The following NMRK1 variants were observed in gnomAD, a reference collection of about 807,000 sequenced individuals.
The protein encoded by NMRK1 is NRK 1.
Under a neutral mutation model 29.9 loss-of-function variants are expected in NMRK1, and 28 were observed. The observed-to-expected ratio is 0.94, with a 90% CI of 0.69 to 1.28. The LOEUF (loss-of-function observed/expected upper bound fraction) is 1.28, where lower values mean the gene tolerates loss of function less well. Among genes scored for constraint, NMRK1 ranks in the 50% most tolerant of loss-of-function variants. The pLI, the probability that NMRK1 is intolerant of heterozygous loss-of-function variation, is 0.00. For synonymous variants in NMRK1, 58 were observed against 73.0 expected, an observed-to-expected ratio of 0.79 and a Z score of 1.05; for missense variants, 218 against 233.1, an observed-to-expected ratio of 0.94 and a Z score of 0.42.
chr9:75,078,755 T>G (rs995705333), intron 2 of NMRK1, among the ~76,000 whole-genome samples: 5 of 152,226 alleles, frequency 3.3e-5, no homozygotes, highest in Non-Finnish European at 4.4e-5. Context: ...TATGTTGCAG[T>G]TGGGGTGGAT....
chr9:75,085,804 C>T (rs1320567924), intron 1 of NMRK1, among the ~76,000 whole-genome samples: 1 of 143,654 alleles, frequency 7.0e-6, no homozygotes, highest in East Asian at 2.1e-4. Context: ...CTGGGCCTGT[C>T]CAAGCCAGTG....
intron 8 of NMRK1, among the ~76,000 whole-genome samples, chr9:75,062,053 G>A (rs1350602566): frequency 6.6e-6 from 1 of 152,156 alleles, no homozygotes; most frequent in African/African-American, 2.4e-5. Context: ...TTTTTGGGTA[G>A]TATTTCATTT....
chr9:75,078,387 G>A, intron 2 of NMRK1: 1 of 1,565,210 alleles, frequency 6.4e-7, no homozygotes. Context: ...CTGGGGGCCA[G>A]CTGGGAGGTC....
chr9:75,077,817 G>A (rs1465075076), intron 2 of NMRK1, among the ~76,000 whole-genome samples: 1 of 152,058 alleles, frequency 6.6e-6, no homozygotes, highest in Non-Finnish European at 1.5e-5. Context: ...TGTATTTTTA[G>A]TAGAGATGGG....
intron 8 of NMRK1, among the ~76,000 whole-genome samples, chr9:75,062,965 A>G (rs1259327887): frequency 6.6e-6 from 1 of 152,094 alleles, no homozygotes; most frequent in Non-Finnish European, 1.5e-5. Flanking sequence ...CAGAAGGTGG[A>G]GGTTGCAGTG....
At chr9:75,073,814 T>C (rs934193391) in intron 4 of NMRK1, among the ~76,000 whole-genome samples, 2 of 152,232 alleles carry the variant, frequency 1.3e-5, no homozygotes, top group African/African-American at 4.8e-5. Context: ...CTTAGCTCTG[T>C]CAGTGTTTAC....
At chr9:75,071,343 C>CT (rs1256094454) in intron 4 of NMRK1, among the ~76,000 whole-genome samples, 1 of 152,096 alleles carries the variant, frequency 6.6e-6, no homozygotes, top group Non-Finnish European at 1.5e-5. Flanking sequence ...CCATCTGGTT[C>CT]TTTTTTCAAA....
At chr9:75,069,485 T>C in intron 6 of NMRK1, 2 of 499,814 alleles carry the variant, frequency 4.0e-6, no homozygotes, top group Non-Finnish European at 7.0e-6. Context: ...CTAATCACCA[T>C]GGGCTTGCTT....
intron 3 of NMRK1, 50 bp downstream of exon 3, chr9:75,077,440 G>T: frequency 7.8e-7 from 1 of 1,277,054 alleles, no homozygotes. Flanking sequence ...TTAACGTGGT[G>T]GTTAAACATT....
intron 2 of NMRK1, chr9:75,078,505 TCGA>T: frequency 7.3e-7 from 1 of 1,369,898 alleles, no homozygotes; most frequent in Admixed American, 3.0e-5. Flanking sequence ...TTTTGCAGCA[TCGA>T]GGAGATCACA....
intron 8 of NMRK1, among the ~76,000 whole-genome samples, chr9:75,065,583 T>C (rs1823292412): frequency 6.6e-6 from 1 of 152,106 alleles, no homozygotes; most frequent in Admixed American, 6.5e-5. Flanking sequence ...CCTCCCAAAG[T>C]GCTGGGATTA....
intron 4 of NMRK1, among the ~76,000 whole-genome samples, chr9:75,073,187 G>A (rs1180851530): frequency 1.3e-5 from 2 of 152,162 alleles, no homozygotes; most frequent in African/African-American, 4.8e-5. Context: ...AGAGCACCAT[G>A]TGGAGATGTA....
At chr9:75,066,409 C>A in intron 8 of NMRK1, 1 of 401,488 alleles carries the variant, frequency 2.5e-6, no homozygotes. Flanking sequence ...AAAAGGGGAG[C>A]TCTGGACATA....
intron 2 of NMRK1, chr9:75,082,803 A>G: frequency 2.3e-6 from 1 of 436,596 alleles, no homozygotes; most frequent in East Asian, 3.7e-5. Context: ...CCTGAATGAA[A>G]GCAGTGCCCA....
rs1298737823 is a variant in NMRK1 at position 75,081,093 on chromosome 9, CT to C, written c.29+1993del. On this transcript the variant is annotated intron_variant, in intron 2 of 8. Coordinates refer to ENST00000361092, the MANE Select transcript of NMRK1 (RefSeq NM_017881.3). Reference sequence around the variant, plus strand: ...TTTCCAGGAAGTTCATGGATGCCCCCTGAATTCCTTCAGAACCCCTGTTATT... The same window carrying C: ...TTTCCAGGAAGTTCATGGATGCCCCCGAATTCCTTCAGAACCCCTGTTATT... 4.6e-5 allele frequency among the ~76,000 whole-genome samples: 7 copies of C among 152,318 alleles called. No homozygotes were observed. The East Asian group carries it at 1.3e-3, about 29-fold the overall frequency.
At chr9:75,081,484 G>A (rs1044201251) in intron 2 of NMRK1, among the ~76,000 whole-genome samples, 1 of 152,210 alleles carries the variant, frequency 6.6e-6, no homozygotes, top group African/African-American at 2.4e-5. Flanking sequence ...GTGGAAAGAA[G>A]GCTTTCTTAG....
intron 2 of NMRK1, among the ~76,000 whole-genome samples, chr9:75,080,369 T>C (rs1264838062): frequency 6.6e-6 from 1 of 152,154 alleles, no homozygotes; most frequent in Non-Finnish European, 1.5e-5. Flanking sequence ...ATGTGATCCC[T>C]GGCCGGGTAC....
intron 2 of NMRK1, among the ~76,000 whole-genome samples, chr9:75,080,600 C>T (rs553880760): frequency 2.0e-5 from 3 of 152,104 alleles, no homozygotes; most frequent in African/African-American, 4.8e-5. Flanking sequence ...TGCAGTGAGC[C>T]GAGATTGCAC....
intron 2 of NMRK1, chr9:75,078,347 C>T (rs770631971): frequency 2.5e-5 from 40 of 1,572,978 alleles, no homozygotes; most frequent in African/African-American, 1.2e-4. Context: ...ATTTCCTCTG[C>T]GATGCCTCCT....
Sources: allele counts gnomAD v4.1 joint callset (sites outside exome capture counted in the v4.1 genomes callset), GRCh38; gene constraint gnomAD v4.1.1; transcripts MANE v1.5; gene names NCBI Gene and HGNC (gene_info 2026-07-23, HGNC 2026-07-21).